WNK1: variants seen among roughly 807,000 people sequenced by gnomAD.
WNK1 encodes WNK lysine deficient protein kinase 1.
A neutral mutation model predicts 222.8 loss-of-function variants in WNK1; 38 were observed. The observed-to-expected ratio is 0.17, with a 90% CI of 0.13 to 0.22. The LOEUF (loss-of-function observed/expected upper bound fraction) is 0.22. Among genes scored for constraint, WNK1 ranks in the 10% least tolerant of loss-of-function variants. The pLI is 1.00. For synonymous variants in WNK1, 1,090 were observed against 1,092.9 expected, an observed-to-expected ratio of 1.00 and a Z score of 0.05; for missense variants, 2,348 against 2,918.4, an observed-to-expected ratio of 0.80 and a Z score of 4.50.
intron 4 of WNK1, among the ~76,000 whole-genome samples, chr12:832,667 T>C (rs1381870917): frequency 6.6e-6 from 1 of 152,238 alleles, no homozygotes; most frequent in Non-Finnish European, 1.5e-5. Context: ...GGCTTTGTAA[T>C]TGGGATGGTA....
In WNK1 at chr12:885,641, G is replaced by C; in HGVS notation, c.4837G>C (p.Val1613Leu). ...ACAGCCTGTTGCCAATGTGCCTGCT[G>C]TACAGCAGACACTAATTCATAGTCA... is the stretch of plus-strand genomic sequence containing the variant. ...LVQPVANVPA[V>L]QQTLIHSQPQ... Residue 1613 changes from valine to leucine, a missense_variant, in exon 19 of 28, where the codon GTA becomes CTA. This residue lies in a region of WNK1 where 1,144 missense variants were observed against 1,273.6 expected (regional missense o/e 0.90). Coordinates refer to ENST00000315939, the MANE Select transcript of WNK1 (RefSeq NM_018979.4). 1 of 1,614,150 alleles carries C rather than the reference G, an allele frequency of 6.2e-7. No individual in the cohort carries two copies. The highest frequency in any genetic ancestry group is 8.5e-7 in the Non-Finnish European group (1 of 1,180,036).
chr12:832,569 T>G (rs1948883012), intron 4 of WNK1, among the ~76,000 whole-genome samples: 1 of 152,230 alleles, frequency 6.6e-6, no homozygotes, highest in South Asian at 2.1e-4. Flanking sequence ...ACAATTAGTT[T>G]AATTTCATAT....
intron 4 of WNK1, among the ~76,000 whole-genome samples, chr12:835,445 T>C (rs1277775250): frequency 1.3e-5 from 2 of 152,236 alleles, no homozygotes; most frequent in Non-Finnish European, 2.9e-5. Flanking sequence ...ATAGAAGTTA[T>C]TGACATAAAT....
At chr12:874,479 T>G (rs1015360128) in intron 9 of WNK1, among the ~76,000 whole-genome samples, 1 of 152,198 alleles carries the variant, frequency 6.6e-6, no homozygotes, top group Non-Finnish European at 1.5e-5. Flanking sequence ...CTCAGTTGTC[T>G]TAAGCAAAGA....
intron 22 of WNK1, among the ~76,000 whole-genome samples, chr12:893,760 T>C (rs990588473): frequency 2.7e-5 from 4 of 150,686 alleles, no homozygotes; most frequent in Non-Finnish European, 5.9e-5. Context: ...GAGGTGTAGC[T>C]TGCAGTGAGC....
rs1953541490 is a variant in WNK1, at chr12:885,193, T to C, written c.4389T>C (p.Ser1463=). 5.6e-6 allele frequency: 9 copies of C among 1,614,220 alleles called. No individual in the cohort carries two copies. Among genetic ancestry groups the C allele is most frequent in the Non-Finnish European group, 7.6e-6 (9 of 1,180,034 alleles). ...VSATSASAGG[S]TATPGPKPPA... is the part of the protein sequence containing the mutation. ...CAACTTCAGCCTCTGCAGGGGGCAG[T>C]ACTGCTACCCCAGGTCCTAAGCCTC... The change falls in exon 19 of 28, where the codon AGT becomes AGC. Residue 1463 remains serine (S), a synonymous_variant. Coordinates refer to ENST00000315939, the MANE Select transcript of WNK1 (RefSeq NM_018979.4).
chr12:886,081 T>G lies in WNK1; in HGVS notation c.5277T>G (p.Ala1759=), dbSNP rs1243308652. 1 of 1,606,346 alleles carries G rather than the reference T, an allele frequency of 6.2e-7. No individual in the cohort carries two copies. Among genetic ancestry groups the G allele is most frequent in the East Asian group, 2.2e-5 (1 of 44,826 alleles). Residue 1759 remains alanine (A), a synonymous_variant, in exon 19 of 28, where the codon GCT becomes GCG. Coordinates refer to ENST00000315939, the MANE Select transcript of WNK1 (RefSeq NM_018979.4). ...CCTCCAAGCCACCTCTAACTAAGGC[T>G]CCGGTAAAATTATTGTTATAAAATA... is the stretch of plus-strand genomic sequence containing the variant. ...TAPSKPPLTK[A]PVLPVGTELP... is the part of the protein sequence containing the mutation.
chr12:772,217 A>G (rs1346426693), intron 1 of WNK1, among the ~76,000 whole-genome samples: 3 of 152,238 alleles, frequency 2.0e-5, no homozygotes, highest in African/African-American at 7.2e-5. Flanking sequence ...TCCAGAGATA[A>G]GCATTGTTAC....
rs969183366 is a variant in WNK1, at chr12:908,409, T to C, written c.6832-66T>C. 5.3e-6 allele frequency: 8 copies of C among 1,499,972 alleles called. No individual in the cohort carries two copies. In the East Asian group the frequency reaches 1.6e-4, roughly 30 times the overall value. The allele number at this position is 1,499,972 out of a possible 1,614,324, so 92.9% of individuals were successfully genotyped here. A position where few individuals can be genotyped will look rare whatever the true frequency, so the allele number is the denominator to read the frequency against. On this transcript the variant is annotated intron_variant, in intron 27 of 27. Transcript: ENST00000315939. ...CTTACAGGATTATACTAGAAGTATA[T>C]GTTAGCGCCACACATTTTATACCAT...
intron 6 of WNK1, among the ~76,000 whole-genome samples, chr12:860,192 T>A (rs1951100894): frequency 6.6e-6 from 1 of 152,218 alleles, no homozygotes; most frequent in Admixed American, 6.5e-5. Context: ...TGTTTCTACA[T>A]ATTGGTACAT....
chr12:792,139 A>C (rs766157203), intron 1 of WNK1, among the ~76,000 whole-genome samples: 3 of 152,140 alleles, frequency 2.0e-5, no homozygotes, highest in Non-Finnish European at 4.4e-5. Context: ...TTGTCAAGGC[A>C]AAGTTTTTTG....
chr12:870,318 ATTATCCT>A (rs1952033799), intron 8 of WNK1, among the ~76,000 whole-genome samples: 1 of 152,212 alleles, frequency 6.6e-6, no homozygotes, highest in African/African-American at 2.4e-5. Context: ...ATTGCCAGTA[ATTATCCT>A]TTAGACTTTC....
At chr12:791,367 A>G (rs1209252719) in intron 1 of WNK1, among the ~76,000 whole-genome samples, 1 of 152,128 alleles carries the variant, frequency 6.6e-6, no homozygotes, top group Non-Finnish European at 1.5e-5. Flanking sequence ...ACAACATTTC[A>G]GTGATAACAG....
intron 1 of WNK1, among the ~76,000 whole-genome samples, chr12:755,875 T>G (rs934908454): frequency 6.6e-6 from 1 of 152,200 alleles, no homozygotes; most frequent in Non-Finnish European, 1.5e-5. Context: ...CTCGGGAGGC[T>G]GAGGCAGGAG....
intron 8 of WNK1, among the ~76,000 whole-genome samples, chr12:869,643 T>C (rs570906431): frequency 1.3e-5 from 2 of 152,138 alleles, no homozygotes; most frequent in African/African-American, 2.4e-5. Context: ...TAAAAAAAGA[T>C]AGAAAAGGAA....
chr12:878,037 A>AC, intron 9 of WNK1, 175 bp from the exon 10 acceptor site: 1 of 784,800 alleles, frequency 1.3e-6, no homozygotes, highest in Non-Finnish European at 2.0e-6. Flanking sequence ...ATCACAAAGA[A>AC]CATCAGAGGG....
intron 4 of WNK1, among the ~76,000 whole-genome samples, chr12:841,206 G>C (rs564420098): frequency 1.4e-3 from 220 of 152,232 alleles, no homozygotes; most frequent in Non-Finnish European, 2.7e-3. Flanking sequence ...ACTAATTCCA[G>C]AACCTTCCCA....
intron 8 of WNK1, chr12:869,211 GTTTAAT>G (rs1951937015): frequency 6.7e-7 from 1 of 1,496,612 alleles, no homozygotes; most frequent in Non-Finnish European, 9.3e-7. Context: ...GAGAAATATT[GTTTAAT>G]TTTATCAGTA....
At position 883,566 on chromosome 12, in the gene WNK1, C is replaced by G; in HGVS notation, c.3661C>G (p.Gln1221Glu). The G allele has an allele frequency of 6.2e-7, 1 of 1,614,128 alleles. No homozygotes were observed. Among genetic ancestry groups the G allele is most frequent in the Non-Finnish European group, 8.5e-7 (1 of 1,180,014 alleles). Residue 1221 changes from glutamine to glutamate, a missense_variant and splice_region_variant, in exon 16 of 28, where the codon CAG (glutamine) becomes GAG (glutamate). Gln to Glu is a conservative substitution (Grantham distance 29). Transcript: ENST00000315939. Reference protein sequence around the residue: ...GKDDYGFSGSQKLEGEFKQPI... With the variant: ...GKDDYGFSGSEKLEGEFKQPI... ...GGATGACTATGGCTTTTCAGGTTCTCAGGTAGGTTCACCACTCCCATAGTG... is the reference window on the plus strand; with the variant it reads ...GGATGACTATGGCTTTTCAGGTTCTGAGGTAGGTTCACCACTCCCATAGTG...
Sources: allele counts gnomAD v4.1 joint callset (sites outside exome capture counted in the v4.1 genomes callset), GRCh38; gene constraint gnomAD v4.1.1; regional missense constraint gnomAD v4.1.1; transcripts MANE v1.5; gene names NCBI Gene and HGNC (gene_info 2026-07-23, HGNC 2026-07-21).